ATP6V0A4: variants seen among roughly 807,000 people sequenced by gnomAD.
The protein encoded by ATP6V0A4 is V-type proton ATPase 116 kDa subunit a 4.
ATP6V0A4 carries 86 observed loss-of-function variants against 107.3 expected under a neutral mutation model. That is an observed-to-expected ratio of 0.80 (90% confidence interval 0.67 to 0.96). The LOEUF (loss-of-function observed/expected upper bound fraction) is 0.96. Ranked by LOEUF, ATP6V0A4 falls within the 40% of genes least tolerant of loss-of-function variation. The pLI is 0.00. For synonymous variants in ATP6V0A4, 353 were observed against 381.4 expected, an observed-to-expected ratio of 0.93 and a Z score of 0.87; for missense variants, 908 against 1,045.6, an observed-to-expected ratio of 0.87 and a Z score of 1.81.
intron 19 of ATP6V0A4, among the ~76,000 whole-genome samples, chr7:138,717,260 G>C (rs1337459324): frequency 6.6e-6 from 1 of 152,182 alleles, no homozygotes; most frequent in Non-Finnish European, 1.5e-5. Flanking sequence ...ATCAACAAGG[G>C]AAAGATCAAG....
intron 2 of ATP6V0A4, among the ~76,000 whole-genome samples, chr7:138,772,879 C>A (rs1807465334): frequency 6.6e-6 from 1 of 152,122 alleles, no homozygotes. Context: ...TCACTTAGAA[C>A]AGGTGGCAGG....
intron 2 of ATP6V0A4, among the ~76,000 whole-genome samples, chr7:138,772,507 A>T (rs1807445027): frequency 6.6e-6 from 1 of 152,192 alleles, no homozygotes; most frequent in Admixed American, 6.5e-5. Context: ...GACCTGCAAG[A>T]CACAGTTCCA....
At chr7:138,727,763 C>G (rs894102198) in intron 18 of ATP6V0A4, among the ~76,000 whole-genome samples, 1 of 152,204 alleles carries the variant, frequency 6.6e-6, no homozygotes, top group East Asian at 1.9e-4. Flanking sequence ...TAGAGGAAAG[C>G]AGAGAACGAC....
At chr7:138,734,795 A>G (rs1243962700) in intron 15 of ATP6V0A4, among the ~76,000 whole-genome samples, 13 of 151,830 alleles carry the variant, frequency 8.6e-5, no homozygotes, top group Admixed American at 8.5e-4. Flanking sequence ...AAAAAAAAAA[A>G]AAAAGAGGAA....
chr7:138,759,216 C>T (rs1294912392), intron 8 of ATP6V0A4, among the ~76,000 whole-genome samples: 1 of 151,674 alleles, frequency 6.6e-6, no homozygotes, highest in East Asian at 1.9e-4. Context: ...TGTGCCACCA[C>T]ACTTGGTTAA....
At chr7:138,709,601 T>C in intron 21 of ATP6V0A4, 23 bp downstream of exon 21, 1 of 1,609,270 alleles carries the variant, frequency 6.2e-7, no homozygotes. Flanking sequence ...CACATTGAGC[T>C]TCCAGGGGAC....
chr7:138,715,844 T>A lies in ATP6V0A4; in HGVS notation c.2177A>T (p.His726Leu). The A allele has an allele frequency of 1.2e-6, 2 of 1,613,780 alleles. No individual in the cohort carries two copies. The highest frequency in any genetic ancestry group is 1.7e-6 in the Non-Finnish European group (2 of 1,179,758). The change falls in exon 20 of 22, where the codon CAC becomes CTC. Residue 726 changes from histidine to leucine, a missense_variant. By Grantham distance (99) the His-to-Leu change is moderately conservative. Transcript: ENST00000310018. Reference protein sequence around the residue: ...FGDVFVHQAIHTIEYCLGCIS... With the variant: ...FGDVFVHQAILTIEYCLGCIS... ...GCAGCCCAGGCAGTACTCGATGGTG[T>A]GGATGGCTTGGTGGACAAAGACGTC...
chr7:138,726,175 G>A (rs1346608836), intron 18 of ATP6V0A4, among the ~76,000 whole-genome samples: 1 of 152,036 alleles, frequency 6.6e-6, no homozygotes, highest in East Asian at 1.9e-4. Flanking sequence ...ATTTTTAGTA[G>A]AGACGGGGTT....
chr7:138,749,778 C>T lies in ATP6V0A4; in HGVS notation c.1030-461G>A, dbSNP rs555656390. Among the ~76,000 whole-genome samples, 125 of 152,260 alleles carry T rather than the reference C, an allele frequency of 8.2e-4. 5 individuals are homozygous for T. The South Asian group carries it at 0.025, about 31-fold the overall frequency. On this transcript the variant is annotated intron_variant, in intron 11 of 21. Transcript: ENST00000310018. ...TCATCAACTCTCCACAAAGCCAGGT[C>T]CCCTCCACAAACTCCCTGCCCCTTC...
chr7:138,793,019 C>T (rs914126867), intron 1 of ATP6V0A4, among the ~76,000 whole-genome samples: 5 of 152,146 alleles, frequency 3.3e-5, no homozygotes, highest in East Asian at 1.9e-4. Flanking sequence ...GAAGGCTGGG[C>T]GCAGTGGCTC....
chr7:138,717,972 G>C (rs1804138685), intron 19 of ATP6V0A4, among the ~76,000 whole-genome samples: 1 of 77,942 alleles, frequency 1.3e-5, no homozygotes, highest in Non-Finnish European at 2.6e-5. Context: ...ATGAGGAAAA[G>C]AAAAGATCAA....
rs376730645 is a variant in ATP6V0A4, at chr7:138,709,557, G to A, written c.2429+67C>T. On this transcript the variant is annotated intron_variant, in intron 21 of 21. Transcript: ENST00000310018. ...TACAGCTCACGATCTGAACCCAGTC[G>A]GCTGGCCCCACAGCCCACTCCCTTT... 1.7e-4 allele frequency: 256 copies of A among 1,486,722 alleles called. 3 individuals are homozygous for A. In the Middle Eastern group the frequency reaches 3.1e-3, roughly 18 times the overall value. 92.1% of individuals were successfully genotyped at this position (1,486,722 alleles called of 1,614,324 possible). A position where few individuals can be genotyped will look rare whatever the true frequency, so the allele number is the denominator to read the frequency against.
intron 14 of ATP6V0A4, among the ~76,000 whole-genome samples, chr7:138,741,456 A>G (rs772716467): frequency 9.2e-5 from 14 of 152,206 alleles, no homozygotes; most frequent in African/African-American, 1.2e-4. Context: ...CCCTGACAGG[A>G]AGGAACTGGC....
chr7:138,788,035 A>G (rs1808246973), intron 1 of ATP6V0A4, among the ~76,000 whole-genome samples: 1 of 152,068 alleles, frequency 6.6e-6, no homozygotes, highest in African/African-American at 2.4e-5. Flanking sequence ...AAGAGAATGA[A>G]GGGAAGTTAT....
intron 1 of ATP6V0A4, among the ~76,000 whole-genome samples, chr7:138,793,968 T>G (rs1808540960): frequency 1.3e-5 from 2 of 152,310 alleles, no homozygotes; most frequent in South Asian, 4.2e-4. Flanking sequence ...CTTTCTTACT[T>G]TGATCAACTA....
At chr7:138,739,434 A>G in intron 15 of ATP6V0A4, 106 bp downstream of exon 15, 1 of 1,382,908 alleles carries the variant, frequency 7.2e-7, no homozygotes, top group Non-Finnish European at 1.0e-6. Context: ...TTATCTCAAC[A>G]CAAGTTTGTT....
At chr7:138,749,142 G>GT in intron 12 of ATP6V0A4, 25 bp downstream of exon 12, 1 of 1,613,460 alleles carries the variant, frequency 6.2e-7, no homozygotes, top group Non-Finnish European at 8.5e-7. Flanking sequence ...AAGCTACCCA[G>GT]TCGTGCAGTT....
chr7:138,776,934 G>A (rs1272458112), intron 2 of ATP6V0A4, among the ~76,000 whole-genome samples: 1 of 151,980 alleles, frequency 6.6e-6, no homozygotes, highest in Non-Finnish European at 1.5e-5. Flanking sequence ...ATCACTTTGA[G>A]GCCAGGAGTT....
Position 138,771,196 on chromosome 7 carries a change from G to A in ATP6V0A4, c.52C>T (p.Gln18Ter), listed in dbSNP as rs1384393001. Residue 18 changes from glutamine to a stop codon, truncating the protein, a stop_gained, in exon 3 of 22, where the codon CAG becomes TAG. Coordinates refer to ENST00000310018, the MANE Select transcript of ATP6V0A4 (RefSeq NM_020632.3). LOFTEE classifies it high-confidence loss of function. ...EEMCLSQLFL[Q>*]VEAAYCCVAE... Reference sequence around the variant, plus strand: ...ACACAGCAATATGCAGCTTCCACCTGGAGAAACAGTTGTGACAAACACATC... The same window carrying A: ...ACACAGCAATATGCAGCTTCCACCTAGAGAAACAGTTGTGACAAACACATC... 5 of 1,614,120 alleles carry A rather than the reference G, an allele frequency of 3.1e-6. No individual in the cohort carries two copies. Among genetic ancestry groups the A allele is most frequent in the South Asian group, 1.1e-5 (1 of 91,088 alleles).
Sources: gnomAD v4.1 joint callset for allele counts (sites outside exome capture counted in the v4.1 genomes callset) on GRCh38, gnomAD v4.1.1 for gene constraint, MANE v1.5 for transcripts, NCBI Gene and HGNC (gene_info 2026-07-23, HGNC 2026-07-21) for gene names.